Variants in RGSL1 observed in about 807,000 individuals in gnomAD.
The protein encoded by RGSL1 is regulator of G protein signaling protein-like.
RGSL1 carries 97 observed loss-of-function variants against 124.7 expected under a neutral mutation model. That is an observed-to-expected ratio of 0.78 (90% CI 0.66 to 0.92). The LOEUF (loss-of-function observed/expected upper bound fraction) is 0.92, where lower values mean the gene tolerates loss of function less well. Ranked by LOEUF, RGSL1 falls within the 40% of genes least tolerant of loss-of-function variation. The pLI, the probability that RGSL1 is intolerant of heterozygous loss-of-function variation, is 0.00. For missense variants in RGSL1, 1,233 were observed against 1,288.4 expected (o/e 0.96, Z 0.66); for synonymous variants, 424 against 438.1 (o/e 0.97, Z 0.40).
Position 182,551,064 on chromosome 1 carries a change from G to A in RGSL1, c.2934-36G>A, listed in dbSNP as rs544096555. On this transcript the variant is annotated intron_variant, in intron 17 of 21. Coordinates refer to ENST00000294854, the MANE Select transcript of RGSL1 (RefSeq NM_001137669.2). ...GGTGCTCCAGCCCCCTCCACTGGGG[G>A]TTCCCTCCTATGACCAGAAGCCATT... 822 of 1,450,334 alleles carry A rather than the reference G, an allele frequency of 5.7e-4. 7 individuals are homozygous for A. The Middle Eastern group carries it at 0.016, about 29-fold the overall frequency. The allele number at this position is 1,450,334 out of a possible 1,614,324, so 89.8% of individuals were successfully genotyped here. A position where few individuals can be genotyped will look rare whatever the true frequency, so the allele number is the denominator to read the frequency against.
intron 19 of RGSL1, among the ~76,000 whole-genome samples, chr1:182,553,956 C>T (rs1287713188): frequency 6.6e-6 from 1 of 152,196 alleles, no homozygotes; most frequent in East Asian, 1.9e-4. Context: ...ATACCTCCTG[C>T]TTCCTGGAGG....
intron 9 of RGSL1, among the ~76,000 whole-genome samples, chr1:182,521,294 C>A (rs1335062180): frequency 6.6e-6 from 1 of 152,190 alleles, no homozygotes; most frequent in African/African-American, 2.4e-5. Context: ...TGATTTTAAT[C>A]TCCCAGCCTC....
Position 182,488,284 on chromosome 1 carries a change from G to A in RGSL1, c.1432-1G>A. 3 of 1,552,214 alleles carry A rather than the reference G, an allele frequency of 1.9e-6. No individual in the cohort carries two copies. The highest frequency in any genetic ancestry group is 1.4e-5 in the African/African-American group (1 of 73,168). Reference sequence around the variant, plus strand: ...ATGCATATGCTGTGTTTGGTTTTCAGATGCTCAGTCCCTGGTATGATGAGT... The same window carrying A: ...ATGCATATGCTGTGTTTGGTTTTCAAATGCTCAGTCCCTGGTATGATGAGT... On this transcript the variant is annotated splice_acceptor_variant, in intron 6 of 21. Transcript: ENST00000294854. LOFTEE classifies it high-confidence loss of function.
intron 20 of RGSL1, 107 bp from the exon 21 acceptor site, chr1:182,555,917 T>C (rs1043073693): frequency 5.2e-6 from 5 of 962,666 alleles, no homozygotes; most frequent in Non-Finnish European, 8.0e-6. Flanking sequence ...GGTTTCAGTT[T>C]TGGCTATTGC....
At chr1:182,455,006 C>A (rs970148539) in intron 2 of RGSL1, among the ~76,000 whole-genome samples, 1 of 152,150 alleles carries the variant, frequency 6.6e-6, no homozygotes, top group Non-Finnish European at 1.5e-5. Flanking sequence ...TTTGTGCCAG[C>A]CCCTGGGCTG....
intron 9 of RGSL1, among the ~76,000 whole-genome samples, chr1:182,513,288 A>G (rs561779945): frequency 1.1e-4 from 17 of 152,310 alleles, no homozygotes; most frequent in Non-Finnish European, 2.1e-4. Flanking sequence ...CAATCTACCT[A>G]AGGGTCTCTG....
chr1:182,507,444 T>C (rs146468376), intron 9 of RGSL1, among the ~76,000 whole-genome samples: 1 of 152,334 alleles, frequency 6.6e-6, no homozygotes, highest in Non-Finnish European at 1.5e-5. Context: ...ATGAAATCCC[T>C]TTTTAAGCTC....
chr1:182,456,831 T>C (rs965244859), intron 2 of RGSL1, among the ~76,000 whole-genome samples: 7 of 152,082 alleles, frequency 4.6e-5, no homozygotes, highest in African/African-American at 9.7e-5. Flanking sequence ...AGTCACCGTG[T>C]GAAGTAGGAA....
intron 6 of RGSL1, among the ~76,000 whole-genome samples, chr1:182,478,361 A>C (rs757728004): frequency 1.1e-4 from 17 of 152,236 alleles, no homozygotes; most frequent in Non-Finnish European, 1.9e-4. Flanking sequence ...AATAAAAAAC[A>C]ATGAAAGAGC....
chr1:182,554,904 C>T (rs1368407612), intron 20 of RGSL1: 6 of 556,458 alleles, frequency 1.1e-5, no homozygotes, highest in Non-Finnish European at 1.9e-5. Flanking sequence ...AGGACAGGCA[C>T]TTTTAAGAAG....
intron 2 of RGSL1, among the ~76,000 whole-genome samples, chr1:182,456,913 G>A (rs532541346): frequency 3.0e-4 from 46 of 152,196 alleles, no homozygotes; most frequent in Admixed American, 1.1e-3. Flanking sequence ...TTGGGAGGGC[G>A]AGGCAGGCAG....
At chr1:182,509,639 C>A (rs1279962502) in intron 9 of RGSL1, among the ~76,000 whole-genome samples, 4 of 132,992 alleles carry the variant, frequency 3.0e-5, no homozygotes, top group Non-Finnish European at 6.5e-5. Context: ...CCCTCACCTC[C>A]CGGACGGGGC....
intron 20 of RGSL1, 57 bp from the exon 21 acceptor site, chr1:182,555,959 ACAGAGAAT>A: frequency 7.0e-7 from 1 of 1,431,120 alleles, no homozygotes; most frequent in South Asian, 1.2e-5. Context: ...TGACAAACCA[ACAGAGAAT>A]GCAACCTCAA....
chr1:182,482,874 G>A (rs1654818329), intron 6 of RGSL1, among the ~76,000 whole-genome samples: 1 of 152,194 alleles, frequency 6.6e-6, no homozygotes. Context: ...CAACTGAAAT[G>A]TGCATCAAAA....
At chr1:182,463,894 C>G (rs1653056586) in intron 4 of RGSL1, among the ~76,000 whole-genome samples, 1 of 152,152 alleles carries the variant, frequency 6.6e-6, no homozygotes, top group Admixed American at 6.6e-5. Flanking sequence ...ACACTCTACT[C>G]AACAACAACA....
At chr1:182,531,161 A>G (rs1558394309) in intron 13 of RGSL1, among the ~76,000 whole-genome samples, 1 of 152,174 alleles carries the variant, frequency 6.6e-6, no homozygotes, top group Non-Finnish European at 1.5e-5. Flanking sequence ...CAATGAAGCA[A>G]AGTGGTTTTG....
chr1:182,492,811 A>G lies in RGSL1; in HGVS notation c.1718-211A>G, dbSNP rs1655629010. 1.9e-5 allele frequency: 9 copies of G among 483,450 alleles called. No homozygotes were observed. In the South Asian group the frequency reaches 2.2e-4, roughly 12 times the overall value. The allele number at this position is 483,450 out of a possible 1,614,324, so 29.9% of individuals were successfully genotyped here. A position where few individuals can be genotyped will look rare whatever the true frequency, so the allele number is the denominator to read the frequency against. ...ACCCGGCTAATTTTTTTGTATTTTT[A>G]GTAGAGACAGGGTTTCACCATGTTA... On this transcript the variant is annotated intron_variant, in intron 8 of 21. Coordinates refer to ENST00000294854, the MANE Select transcript of RGSL1 (RefSeq NM_001137669.2).
rs1410765503 is a variant in RGSL1 at position 182,475,835 on chromosome 1, T to TA, written c.1431+1299dup. On this transcript the variant is annotated intron_variant, in intron 6 of 21. Coordinates refer to ENST00000294854, the MANE Select transcript of RGSL1 (RefSeq NM_001137669.2). The stretch of plus-strand genomic sequence containing the variant: ...AAGTAGATCTGGAGGAGCAAATAGA[T>TA]AAAAAACATCAAATTATTTAGTGCA... Among the ~76,000 whole-genome samples, 17 of 152,278 alleles carry TA rather than the reference T, an allele frequency of 1.1e-4. No individual in the cohort carries two copies. In the East Asian group the frequency reaches 3.3e-3, roughly 29 times the overall value.
intron 9 of RGSL1, among the ~76,000 whole-genome samples, chr1:182,513,573 G>T (rs781643736): frequency 6.6e-6 from 1 of 152,040 alleles, no homozygotes. Flanking sequence ...TTGCCACATC[G>T]GTAGTAGTTA....
Sources: gnomAD v4.1 joint callset for allele counts (sites outside exome capture counted in the v4.1 genomes callset) on GRCh38, gnomAD v4.1.1 for gene constraint, MANE v1.5 for transcripts, NCBI Gene and HGNC (gene_info 2026-07-23, HGNC 2026-07-21) for gene names.